Variants in MGA observed in about 807,000 individuals in gnomAD.
The protein encoded by MGA is MAX dimerization protein MGA, also known as MAX gene-associated protein.
Under a neutral mutation model 261.1 loss-of-function variants are expected in MGA, and 40 were observed. That is an observed-to-expected ratio of 0.15 (90% CI 0.12 to 0.20). The LOEUF is 0.20. MGA is among the 10% of genes least tolerant of loss of function. The pLI is 1.00. For missense variants in MGA, 3,397 were observed against 3,630.5 expected, an observed-to-expected ratio of 0.94 and a Z score of 1.65; for synonymous variants, 1,302 against 1,290.6, an observed-to-expected ratio of 1.01 and a Z score of -0.19.
In MGA at chr15:41,725,849, A is replaced by T. The variant is rs1429066656; in HGVS notation, c.3431-1331A>T. Reference sequence around the variant, plus strand: ...GACTCCGTCTCAAAAAAAAAAAAAAAAAAAAAATAAATAAATAAATAAATA... The same window carrying T: ...GACTCCGTCTCAAAAAAAAAAAAAATAAAAAAATAAATAAATAAATAAATA... On this transcript the variant is annotated intron_variant, in intron 9 of 23. Coordinates refer to ENST00000219905, the MANE Select transcript of MGA (RefSeq NM_001164273.2). Among the ~76,000 whole-genome samples the T allele has an allele frequency of 2.8e-4, 2 of 7,128 alleles. 1 individual carries two copies. The highest frequency in any genetic ancestry group is 9.5e-4 in the Non-Finnish European group (2 of 2,116). The allele number at this position is 7,128 out of a possible 152,430, so 4.7% of individuals were successfully genotyped here.
intron 2 of MGA, among the ~76,000 whole-genome samples, chr15:41,683,231 T>A (rs887913313): frequency 1.3e-5 from 2 of 152,094 alleles, no homozygotes; most frequent in African/African-American, 2.4e-5. Flanking sequence ...TTTATTTTTT[T>A]AAATTGAGAC....
intron 5 of MGA, among the ~76,000 whole-genome samples, chr15:41,704,516 A>G (rs931583185): frequency 1.3e-5 from 2 of 152,120 alleles, no homozygotes; most frequent in East Asian, 3.9e-4. Flanking sequence ...AAATTAGCCA[A>G]GAGTGGTGGT....
chr15:41,672,735 A>G (rs2058130160), intron 2 of MGA, among the ~76,000 whole-genome samples: 1 of 152,186 alleles, frequency 6.6e-6, no homozygotes, highest in Non-Finnish European at 1.5e-5. Flanking sequence ...CTATTTTAGT[A>G]TGTATACAAG....
At position 41,767,034 on chromosome 15, in the gene MGA, G is replaced by A. The variant is rs1420800545; in HGVS notation, c.8952G>A (p.Arg2984=). The A allele has an allele frequency of 6.2e-7, 1 of 1,613,986 alleles. No individual in the cohort carries two copies. The highest frequency in any genetic ancestry group is 8.5e-7 in the Non-Finnish European group (1 of 1,179,892). Residue 2984 remains arginine (R), a synonymous_variant, in exon 24 of 24, where the codon AGG becomes AGA. Transcript: ENST00000219905. Reference sequence around the variant, plus strand: ...GCAACAGCACAGACACTTTGTGGAGGCCTATGCCAAAGTTGGCCCCTCTAG... The same window carrying A: ...GCAACAGCACAGACACTTTGTGGAGACCTATGCCAAAGTTGGCCCCTCTAG...
chr15:41,728,525 T>C (rs2061360337), intron 10 of MGA, among the ~76,000 whole-genome samples: 1 of 152,146 alleles, frequency 6.6e-6, no homozygotes, highest in South Asian at 2.1e-4. Context: ...ATTCTTACAA[T>C]AAAATGAGCT....
chr15:41,634,011 G>T (rs563834997), intron 1 of MGA, among the ~76,000 whole-genome samples: 1 of 151,956 alleles, frequency 6.6e-6, no homozygotes, highest in African/African-American at 2.4e-5. Flanking sequence ...TTCATTTCTG[G>T]TTTCCTCTGT....
At chr15:41,661,488 C>T (rs149438906) in intron 1 of MGA, among the ~76,000 whole-genome samples, 38 of 152,182 alleles carry the variant, frequency 2.5e-4, no homozygotes, top group African/African-American at 8.4e-4. Context: ...CTTTCGAACC[C>T]TGGGAATGCC....
chr15:41,727,106 T>G (rs2061291614), intron 9 of MGA, 74 bp from the exon 10 acceptor site: 1 of 1,155,056 alleles, frequency 8.7e-7, no homozygotes, highest in Non-Finnish European at 1.2e-6. Context: ...GAGCGTATTT[T>G]GTTTTGGCAG....
intron 2 of MGA, among the ~76,000 whole-genome samples, chr15:41,686,028 A>G (rs1281306659): frequency 1.3e-5 from 2 of 151,262 alleles, no homozygotes; most frequent in Non-Finnish European, 2.9e-5. Flanking sequence ...AATAATAATA[A>G]TAATTTCCCA....
At chr15:41,739,650 A>C (rs1231003130) in intron 13 of MGA, among the ~76,000 whole-genome samples, 1 of 152,234 alleles carries the variant, frequency 6.6e-6, no homozygotes, top group Non-Finnish European at 1.5e-5. Flanking sequence ...TAGGATGCAG[A>C]AATGATGAGT....
chr15:41,738,396 A>G (rs2061906766), intron 13 of MGA, among the ~76,000 whole-genome samples: 1 of 152,228 alleles, frequency 6.6e-6, no homozygotes, highest in African/African-American at 2.4e-5. Flanking sequence ...CTCCATCTCA[A>G]AAGAGAAAAT....
In MGA at chr15:41,696,961, C is replaced by G; in HGVS notation, c.1951C>G (p.Pro651Ala). ...ACCTGTAAGCCCTGGGAGTACCTTT[C>G]CAGATGTGAAGCCTGATCTGGAAGA... Residue 651 changes from proline to alanine, a missense_variant, in exon 3 of 24, where the codon CCA becomes GCA. Pro to Ala is a conservative substitution (Grantham distance 27). This residue lies in a region of MGA where 563 missense variants were observed against 563.6 expected (regional missense o/e 1.00). Coordinates refer to ENST00000219905, the MANE Select transcript of MGA (RefSeq NM_001164273.2). The G allele has an allele frequency of 6.2e-7, 1 of 1,602,680 alleles. No individual in the cohort carries two copies. Among genetic ancestry groups the G allele is most frequent in the Non-Finnish European group, 8.5e-7 (1 of 1,174,780 alleles).
At chr15:41,644,074 T>C (rs1391330505) in intron 1 of MGA, among the ~76,000 whole-genome samples, 1 of 152,170 alleles carries the variant, frequency 6.6e-6, no homozygotes, top group East Asian at 1.9e-4. Context: ...CATAATTCTT[T>C]TGTATGTGTA....
At chr15:41,703,301 T>C (rs952134444) in intron 5 of MGA, among the ~76,000 whole-genome samples, 2 of 151,852 alleles carry the variant, frequency 1.3e-5, no homozygotes, top group African/African-American at 4.8e-5. Flanking sequence ...ATTAACATGA[T>C]TTATCACTAT....
At position 41,627,646 on chromosome 15, in the gene MGA, C is replaced by T. The variant is rs1319127697; in HGVS notation, c.-68+6348C>T. 3.9e-5 allele frequency among the ~76,000 whole-genome samples: 6 copies of T among 152,122 alleles called. No homozygotes were observed. The East Asian group carries it at 9.6e-4, about 24-fold the overall frequency. ...TCTGTTGATATTCTACACATGTCTA[C>T]CAGTAGCATTTATAATAAGTAATAC... is the stretch of plus-strand genomic sequence containing the variant. On this transcript the variant is annotated intron_variant, in intron 1 of 8. Transcript: ENST00000566718.
intron 5 of MGA, among the ~76,000 whole-genome samples, chr15:41,706,528 G>A (rs1396213349): frequency 2.7e-5 from 4 of 150,680 alleles, no homozygotes; most frequent in Non-Finnish European, 4.4e-5. Context: ...GGAAACTTAC[G>A]CCTGTGACTT....
In MGA at chr15:41,766,495, G is replaced by A. The variant is rs779061413; in HGVS notation, c.8413G>A (p.Asp2805Asn). Residue 2805 changes from aspartate (D) to asparagine (N), a missense_variant, in exon 24 of 24, where the codon GAT (aspartate) becomes AAT (asparagine). Transcript: ENST00000219905. ...ATCAGCTATAGAGGAAGCAGCTCTT[G>A]ATTCCAGTGAACTGCTGACTAACAT... 1 of 1,613,872 alleles carries A rather than the reference G, an allele frequency of 6.2e-7. No individual in the cohort carries two copies. Among genetic ancestry groups the A allele is most frequent in the Non-Finnish European group, 8.5e-7 (1 of 1,179,906 alleles).
Position 41,622,401 on chromosome 15 carries a change from C to CA in MGA, c.-68+1111dup, listed in dbSNP as rs1310891577. ...TATAATGAGACAACCGCCACCCCGC[C>CA]AAAAAAAACCCCACAGCCACTCCCC... On this transcript the variant is annotated intron_variant, in intron 1 of 8. Transcript: ENST00000566718. Among the ~76,000 whole-genome samples, 14 of 151,896 alleles carry CA rather than the reference C, an allele frequency of 9.2e-5. No individual in the cohort carries two copies. In the East Asian group the frequency reaches 1.2e-3, roughly 13 times the overall value.
intron 1 of MGA, among the ~76,000 whole-genome samples, chr15:41,624,232 T>G (rs1004067719): frequency 6.6e-6 from 1 of 150,686 alleles, no homozygotes; most frequent in Non-Finnish European, 1.5e-5. Flanking sequence ...ACCCAGGTAA[T>G]TTTTGTATTT....
Sources: gnomAD v4.1 joint callset for allele counts (sites outside exome capture counted in the v4.1 genomes callset) on GRCh38, gnomAD v4.1.1 for gene constraint, gnomAD v4.1.1 regional missense constraint, MANE v1.5 for transcripts, NCBI Gene and HGNC (gene_info 2026-07-23, HGNC 2026-07-21) for gene names.